The following NFE2L2 variants were observed in gnomAD, a reference collection of about 807,000 sequenced individuals.
NFE2L2 encodes the protein nuclear factor erythroid 2-related factor 2.
A neutral mutation model predicts 49.6 loss-of-function variants in NFE2L2; 20 were observed. The ratio of observed to expected loss-of-function variants is 0.40; its 90% CI spans 0.28 to 0.59. NFE2L2 has a LOEUF of 0.59. Ranked by LOEUF, NFE2L2 falls within the 20% of genes least tolerant of loss-of-function variation. NFE2L2 has a pLI of 0.40. For synonymous variants in NFE2L2, 244 were observed against 256.5 expected, an observed-to-expected ratio of 0.95 and a Z score of 0.47; for missense variants, 578 against 714.2, an observed-to-expected ratio of 0.81 and a Z score of 2.17.
intron 3 of NFE2L2, chr2:177,232,977 G>T (rs1016086619): frequency 1.0e-5 from 5 of 498,218 alleles, no homozygotes; most frequent in Non-Finnish European, 1.7e-5. Flanking sequence ...TGGGTTATTT[G>T]TTTCCATGGT....
At chr2:177,264,081 C>T (rs909935900) in intron 1 of NFE2L2, among the ~76,000 whole-genome samples, 4 of 152,234 alleles carry the variant, frequency 2.6e-5, no homozygotes, top group South Asian at 4.1e-4. Flanking sequence ...CGTGACTAGG[C>T]ACATTTTTGC....
At chr2:177,245,002 CAAAAA>C (rs56326022) in intron 1 of NFE2L2, among the ~76,000 whole-genome samples, 3 of 49,050 alleles carry the variant, frequency 6.1e-5, no homozygotes, top group South Asian at 8.1e-4. Flanking sequence ...GACTCTGTCT[CAAAAA>C]AAAAAAAAAA....
chr2:177,250,980 C>T (rs1192106372), intron 1 of NFE2L2, among the ~76,000 whole-genome samples: 1 of 152,232 alleles, frequency 6.6e-6, no homozygotes, highest in African/African-American at 2.4e-5. Context: ...GGTATTAGTA[C>T]TATTAATAAA....
rs1281092624 is a variant in NFE2L2 at position 177,264,552 on chromosome 2, G to T, written c.25C>A (p.Pro9Thr). The change falls in exon 1 of 5, where the codon CCG becomes ACG. Residue 9 changes from proline (P) to threonine (T), a missense_variant. Pro to Thr is a conservative substitution (Grantham distance 38). Transcript: ENST00000397062. ...AGCACCTGCTGGGACGGGAGTCCCG[G>T]CGGCGGCAGCTCCAAGTCCATCATG... MMDLELPP[P>T]GLPSQQDMDL... The T allele has an allele frequency of 2.0e-6, 3 of 1,519,688 alleles. No individual in the cohort carries two copies. The highest frequency in any genetic ancestry group is 2.9e-5 in the African/African-American group (2 of 69,534). 94.1% of individuals were successfully genotyped at this position (1,519,688 alleles called of 1,614,324 possible).
chr2:177,234,326 T>C (rs1689667727), intron 1 of NFE2L2, 55 bp from the exon 2 acceptor site: 1 of 1,533,366 alleles, frequency 6.5e-7, no homozygotes, highest in Non-Finnish European at 8.7e-7. Context: ...AAATGACAGA[T>C]ACCACATAAA....
intron 1 of NFE2L2, among the ~76,000 whole-genome samples, chr2:177,261,259 C>T (rs1558993573): frequency 6.6e-6 from 1 of 151,912 alleles, no homozygotes; most frequent in African/African-American, 2.4e-5. Context: ...AAAAGGACCA[C>T]AGTGGGTACC....
intron 1 of NFE2L2, among the ~76,000 whole-genome samples, chr2:177,253,776 C>T (rs1453324122): frequency 2.6e-5 from 4 of 152,066 alleles, no homozygotes; most frequent in Non-Finnish European, 5.9e-5. Context: ...AAATAAAGTA[C>T]GATATCTTAA....
intron 1 of NFE2L2, chr2:177,263,654 A>T: frequency 1.0e-6 from 1 of 985,428 alleles, no homozygotes; most frequent in Non-Finnish European, 1.2e-6. Flanking sequence ...GGTGAGCGCC[A>T]CCAGGGGGCA....
rs77547666 is a variant in NFE2L2 at position 177,230,767 on chromosome 2, G to C, written c.*18C>G. ...AGTACAAAAAAACTAGCTCAGAAAA[G>C]GTCAAATCCTCCTAAATCTAGTTTT... On this transcript the variant is annotated 3_prime_UTR_variant, in exon 5 of 5. Coordinates refer to ENST00000397062, the MANE Select transcript of NFE2L2 (RefSeq NM_006164.5). 1.3e-3 allele frequency: 2,019 copies of C among 1,559,644 alleles called. 21 individuals carry two copies. The African/African-American group carries it at 0.024, about 19-fold the overall frequency.
intron 1 of NFE2L2, among the ~76,000 whole-genome samples, chr2:177,252,111 CTT>C (rs1310921509): frequency 6.6e-6 from 1 of 151,856 alleles, no homozygotes; most frequent in Non-Finnish European, 1.5e-5. Flanking sequence ...GCCCAGTTCA[CTT>C]TGTTAATTCT....
At chr2:177,248,133 C>G (rs1282089987) in intron 1 of NFE2L2, among the ~76,000 whole-genome samples, 1 of 152,126 alleles carries the variant, frequency 6.6e-6, no homozygotes, top group Non-Finnish European at 1.5e-5. Context: ...AAATGAGGAT[C>G]CTGAGGCCTG....
At chr2:177,242,969 A>T (rs1689993482) in intron 1 of NFE2L2, among the ~76,000 whole-genome samples, 1 of 150,352 alleles carries the variant, frequency 6.7e-6, no homozygotes, top group Non-Finnish European at 1.5e-5. Context: ...CAAAGGACTT[A>T]TGTAAGGGTT....
intron 1 of NFE2L2, among the ~76,000 whole-genome samples, chr2:177,250,317 T>C (rs1003423958): frequency 2.6e-5 from 4 of 152,182 alleles, no homozygotes; most frequent in East Asian, 1.9e-4. Context: ...AGTTCAGAAA[T>C]TGTATTTCAA....
chr2:177,233,415 GATGTTCATAAAATATTTATA>G, intron 2 of NFE2L2, 76 bp from the exon 3 acceptor site: 1 of 1,049,762 alleles, frequency 9.5e-7, no homozygotes, highest in Non-Finnish European at 1.4e-6. Flanking sequence ...TTCAATAATT[GATGTTCATAAAATATTTATA>G]ATCAAGTTAA....
chr2:177,245,863 G>C (rs770276169), intron 1 of NFE2L2, among the ~76,000 whole-genome samples: 1 of 152,216 alleles, frequency 6.6e-6, no homozygotes, highest in Non-Finnish European at 1.5e-5. Context: ...GCCTGCCTCA[G>C]CCTCCCAAAG....
intron 1 of NFE2L2, among the ~76,000 whole-genome samples, chr2:177,239,113 C>CT: frequency 6.6e-6 from 1 of 152,158 alleles, no homozygotes; most frequent in South Asian, 2.1e-4. Context: ...AAAAAGACAT[C>CT]TTTATGAATC....
At chr2:177,246,746 T>C (rs1321653771) in intron 1 of NFE2L2, among the ~76,000 whole-genome samples, 2 of 151,150 alleles carry the variant, frequency 1.3e-5, no homozygotes, top group African/African-American at 4.9e-5. Flanking sequence ...ATTACAGGCA[T>C]GTGCCACTAT....
intron 1 of NFE2L2, among the ~76,000 whole-genome samples, chr2:177,243,749 C>T (rs533678140): frequency 1.4e-4 from 21 of 152,290 alleles, no homozygotes; most frequent in African/African-American, 3.9e-4. Context: ...AACTGATCCT[C>T]CTGCCTTGGT....
intron 1 of NFE2L2, among the ~76,000 whole-genome samples, chr2:177,235,145 G>A (rs1195527520): frequency 6.6e-6 from 1 of 150,460 alleles, no homozygotes; most frequent in Non-Finnish European, 1.5e-5. Context: ...AGCAGACAGG[G>A]ACAGGTGCGG....
Sources: allele counts gnomAD v4.1 joint callset (sites outside exome capture counted in the v4.1 genomes callset), GRCh38; gene constraint gnomAD v4.1.1; transcripts MANE v1.5; gene names NCBI Gene and HGNC (gene_info 2026-07-23, HGNC 2026-07-21).